Variants in ERG observed in about 807,000 individuals in gnomAD.
ERG encodes ETS transcription factor ERG.
ERG carries 9 observed loss-of-function variants against 55.3 expected under a neutral mutation model. The observed-to-expected ratio is 0.16, with a 90% CI of 0.10 to 0.28. ERG has a LOEUF of 0.28. Ranked by LOEUF, ERG falls within the 10% of genes least tolerant of loss-of-function variation. The probability of loss-of-function intolerance (pLI) is 1.00; values close to 1 mark genes in which losing one functional copy is unlikely to be tolerated. For synonymous variants in ERG, 223 were observed against 237.3 expected (o/e 0.94, Z 0.55); for missense variants, 434 against 631.6 (o/e 0.69, Z 3.35).
chr21:38,643,675 G>A (rs1309132537), intron 1 of ERG, among the ~76,000 whole-genome samples: 1 of 152,136 alleles, frequency 6.6e-6, no homozygotes, highest in East Asian at 1.9e-4. Flanking sequence ...CCGCCCCACC[G>A]GGAATGCATC....
chr21:38,386,883 T>C (rs1987715053), intron 9 of ERG, among the ~76,000 whole-genome samples: 2 of 151,982 alleles, frequency 1.3e-5, no homozygotes, highest in South Asian at 4.2e-4. Flanking sequence ...TAAAACATAT[T>C]TGGAGGTAAA....
chr21:38,466,891 A>G (rs1187043766), intron 1 of ERG, among the ~76,000 whole-genome samples: 1 of 152,154 alleles, frequency 6.6e-6, no homozygotes, highest in South Asian at 2.1e-4. Flanking sequence ...TTTCCCCAAA[A>G]TGAAATCCAA....
At chr21:38,654,112 A>C (rs1260210335) in intron 1 of ERG, among the ~76,000 whole-genome samples, 2 of 152,250 alleles carry the variant, frequency 1.3e-5, no homozygotes, top group Non-Finnish European at 2.9e-5. Context: ...CAAGCCTTAG[A>C]AAACTGTAAA....
At chr21:38,491,876 G>A (rs538097018) in intron 1 of ERG, among the ~76,000 whole-genome samples, 2 of 152,358 alleles carry the variant, frequency 1.3e-5, no homozygotes, top group African/African-American at 4.8e-5. Flanking sequence ...TCTTGTCACT[G>A]AGCAAATATA....
At chr21:38,419,000 C>T (rs1018709651) in intron 3 of ERG, among the ~76,000 whole-genome samples, 5 of 151,430 alleles carry the variant, frequency 3.3e-5, no homozygotes, top group Admixed American at 2.0e-4. Context: ...AAATTAAGCT[C>T]GGCCAAAAAA....
At chr21:38,419,520 C>CAT (rs1455711948) in intron 3 of ERG, among the ~76,000 whole-genome samples, 2 of 151,346 alleles carry the variant, frequency 1.3e-5, no homozygotes, top group East Asian at 3.9e-4. Flanking sequence ...TACACATACA[C>CAT]ACACACACAC....
chr21:38,391,285 T>C (rs1215212325), intron 8 of ERG, among the ~76,000 whole-genome samples: 1 of 152,162 alleles, frequency 6.6e-6, no homozygotes, highest in African/African-American at 2.4e-5. Flanking sequence ...TCCTGACATA[T>C]AGCTCAAGGC....
At chr21:38,655,345 T>C (rs2060512366) in intron 1 of ERG, among the ~76,000 whole-genome samples, 1 of 152,128 alleles carries the variant, frequency 6.6e-6, no homozygotes, top group Non-Finnish European at 1.5e-5. Flanking sequence ...CAGAGGTGGG[T>C]CCAGGGAGGT....
intron 1 of ERG, among the ~76,000 whole-genome samples, chr21:38,625,162 G>A (rs1190635062): frequency 1.3e-5 from 2 of 151,974 alleles, no homozygotes; most frequent in Non-Finnish European, 2.9e-5. Context: ...GCATAAAGCT[G>A]TAGTTTTTAA....
intron 1 of ERG, among the ~76,000 whole-genome samples, chr21:38,639,769 A>G (rs890095311): frequency 6.6e-6 from 1 of 152,244 alleles, no homozygotes; most frequent in Non-Finnish European, 1.5e-5. Flanking sequence ...TCACTTTCCA[A>G]ATCGTGAGGG....
At chr21:38,503,679 C>T (rs1462852993) in intron 2 of ERG, among the ~76,000 whole-genome samples, 2 of 152,156 alleles carry the variant, frequency 1.3e-5, no homozygotes, top group African/African-American at 2.4e-5. Context: ...TAAGATGACA[C>T]ATGAATTTAA....
upstream of ERG, among the ~76,000 whole-genome samples, chr21:38,585,532 C>CTATTTTTTTTTTT (rs2060057686): frequency 1.7e-5 from 1 of 59,270 alleles, no homozygotes; most frequent in Non-Finnish European, 3.1e-5. Flanking sequence ...TCTCTCTCTT[C>CTATTTTTTTTTTT]TTTTTTTTTT....
downstream of ERG, among the ~76,000 whole-genome samples, chr21:38,377,932 A>C (rs1331849769): frequency 6.6e-6 from 1 of 152,214 alleles, no homozygotes; most frequent in African/African-American, 2.4e-5. Flanking sequence ...AAAACATGAA[A>C]GCAAAGTTCA....
At chr21:38,525,080 A>G (rs1249322947) in intron 2 of ERG, among the ~76,000 whole-genome samples, 2 of 152,216 alleles carry the variant, frequency 1.3e-5, no homozygotes, top group Admixed American at 6.5e-5. Flanking sequence ...ATGCAGAATT[A>G]AGATCATTTG....
At chr21:38,603,107 A>G (rs2060174297) in intron 1 of ERG, among the ~76,000 whole-genome samples, 1 of 151,984 alleles carries the variant, frequency 6.6e-6, no homozygotes, top group Non-Finnish European at 1.5e-5. Flanking sequence ...AAATGGAGCC[A>G]GTTCCAAATT....
chr21:38,498,631 G>T, upstream of ERG: 1 of 645,550 alleles, frequency 1.5e-6, no homozygotes, highest in Non-Finnish European at 2.2e-6. This position sits in a 1 kb window ranked among gnomAD's most constrained non-coding sequence, Gnocchi z 4.6. Context: ...TATGCAGCCA[G>T]GAGATTTTTT....
downstream of ERG, among the ~76,000 whole-genome samples, chr21:38,378,678 A>G (rs996642688): frequency 6.6e-6 from 1 of 152,114 alleles, no homozygotes; most frequent in Non-Finnish European, 1.5e-5. Context: ...TCCCTCTTTA[A>G]GTGTAGGCCC....
intron 3 of ERG, among the ~76,000 whole-genome samples, chr21:38,408,745 C>T (rs1988900049): frequency 6.6e-6 from 1 of 152,204 alleles, no homozygotes; most frequent in African/African-American, 2.4e-5. Flanking sequence ...AAGAAAGGGG[C>T]TCATGAGTTC....
chr21:38,385,459 T>G (rs1265682477), intron 9 of ERG, among the ~76,000 whole-genome samples: 1 of 152,242 alleles, frequency 6.6e-6, no homozygotes, highest in African/African-American at 2.4e-5. Context: ...TTTACGTTCA[T>G]TTTCTTCTAA....
Sources: gnomAD v4.1 joint callset for allele counts (sites outside exome capture counted in the v4.1 genomes callset) on GRCh38, gnomAD v4.1.1 for gene constraint, Gnocchi (gnomAD v3.1) non-coding constraint, MANE v1.5 for transcripts, NCBI Gene and HGNC (gene_info 2026-07-23, HGNC 2026-07-21) for gene names.